PEAK1: variants seen among roughly 807,000 people sequenced by gnomAD.
PEAK1 encodes inactive tyrosine-protein kinase PEAK1.
Under a neutral mutation model 124.7 loss-of-function variants are expected in PEAK1, and 54 were observed. The ratio of observed to expected loss-of-function variants is 0.43; its 90% CI spans 0.35 to 0.54. The LOEUF (loss-of-function observed/expected upper bound fraction) is 0.54, where lower values mean the gene tolerates loss of function less well. PEAK1 is among the 20% of genes least tolerant of loss of function. PEAK1 has a pLI of 0.01. For missense variants in PEAK1, 2,046 were observed against 2,134.5 expected, an observed-to-expected ratio of 0.96 and a Z score of 0.82; for synonymous variants, 719 against 760.0, an observed-to-expected ratio of 0.95 and a Z score of 0.89.
intron 1 of PEAK1, among the ~76,000 whole-genome samples, chr15:77,383,181 G>A (rs547944319): frequency 5.6e-4 from 85 of 151,834 alleles, no homozygotes; most frequent in Non-Finnish European, 9.7e-4. Context: ...CCGCCACCAC[G>A]TCCAGGTTTA....
chr15:77,243,777 C>T (rs1195400844), intron 6 of PEAK1, among the ~76,000 whole-genome samples: 3 of 152,096 alleles, frequency 2.0e-5, no homozygotes, highest in Non-Finnish European at 2.9e-5. Context: ...CTAGACCAGC[C>T]TGACCAACAT....
chr15:77,209,937 T>C (rs889120336), intron 6 of PEAK1, among the ~76,000 whole-genome samples: 1 of 152,200 alleles, frequency 6.6e-6, no homozygotes, highest in Non-Finnish European at 1.5e-5. Flanking sequence ...TTTATGACAA[T>C]TTGTTACAGC....
At chr15:77,384,149 A>T (rs745970464) in intron 1 of PEAK1, among the ~76,000 whole-genome samples, 13 of 152,152 alleles carry the variant, frequency 8.5e-5, no homozygotes, top group Non-Finnish European at 1.9e-4. Context: ...TGAAGATCAG[A>T]GTAAAACAAA....
rs147884278 is a variant in PEAK1 at position 77,128,549 on chromosome 15, C to A, written c.4077+4456G>T. ...CAGAGCCATGGTGGTGATGGTGCCACCCCAGTGGGCTTGCAGGGGAGAGTA... is the reference window on the plus strand; with the variant it reads ...CAGAGCCATGGTGGTGATGGTGCCAACCCAGTGGGCTTGCAGGGGAGAGTA... On this transcript the variant is annotated intron_variant, in intron 9 of 9. Transcript: ENST00000682557. Among the ~76,000 whole-genome samples, 712 of 152,272 alleles carry A rather than the reference C, an allele frequency of 4.7e-3. 4 individuals carry two copies. Among genetic ancestry groups the A allele is most frequent in the African/African-American group, 0.016 (660 of 41,552 alleles).
intron 1 of PEAK1, chr15:77,418,075 G>A: frequency 2.0e-6 from 2 of 983,902 alleles, no homozygotes; most frequent in South Asian, 9.4e-5. Flanking sequence ...GGGCCTTCAG[G>A]GTAGACTCTT....
chr15:77,289,243 G>T (rs926891131), intron 2 of PEAK1, among the ~76,000 whole-genome samples: 4 of 152,098 alleles, frequency 2.6e-5, no homozygotes, highest in Non-Finnish European at 5.9e-5. Context: ...GTTTAAGAAG[G>T]TATCCCCACT....
intron 1 of PEAK1, among the ~76,000 whole-genome samples, chr15:77,387,904 G>C (rs867485343): frequency 6.6e-6 from 1 of 152,198 alleles, no homozygotes; most frequent in African/African-American, 2.4e-5. Flanking sequence ...CCAACTATGT[G>C]GATGGCAGCC....
chr15:77,275,553 T>C (rs2062269996), intron 5 of PEAK1, among the ~76,000 whole-genome samples: 1 of 151,746 alleles, frequency 6.6e-6, no homozygotes, highest in Non-Finnish European at 1.5e-5. Context: ...CCATCTCTAC[T>C]AAAAATACAA....
At chr15:77,193,055 T>A (rs2057921136) in intron 6 of PEAK1, among the ~76,000 whole-genome samples, 1 of 152,180 alleles carries the variant, frequency 6.6e-6, no homozygotes, top group African/African-American at 2.4e-5. Flanking sequence ...AAATTTACAA[T>A]CTATTCAAAA....
intron 1 of PEAK1, among the ~76,000 whole-genome samples, chr15:77,382,135 A>G (rs1012595319): frequency 4.0e-5 from 6 of 151,858 alleles, no homozygotes; most frequent in Non-Finnish European, 8.8e-5. Flanking sequence ...ATCTATCTCT[A>G]TCTCTATCTT....
At chr15:77,115,649 G>A (rs1327742955) in intron 9 of PEAK1, among the ~76,000 whole-genome samples, 1 of 152,162 alleles carries the variant, frequency 6.6e-6, no homozygotes, top group Non-Finnish European at 1.5e-5. Context: ...GCCAAAGCCT[G>A]CTCTTTCCAC....
chr15:77,269,976 C>T (rs900497360), intron 5 of PEAK1, among the ~76,000 whole-genome samples: 1 of 152,074 alleles, frequency 6.6e-6, no homozygotes, highest in South Asian at 2.1e-4. Flanking sequence ...TGTAGTTGAG[C>T]GGTTTTGAGT....
At chr15:77,409,138 G>C (rs1216645688) in intron 1 of PEAK1, among the ~76,000 whole-genome samples, 1 of 152,002 alleles carries the variant, frequency 6.6e-6, no homozygotes, top group Non-Finnish European at 1.5e-5. Flanking sequence ...TAACAAAACT[G>C]AATCTACTTT....
intron 2 of PEAK1, chr15:77,355,665 G>T: frequency 1.4e-6 from 1 of 722,742 alleles, no homozygotes; most frequent in Non-Finnish European, 1.7e-6. Flanking sequence ...CTACAGACCT[G>T]GCATGGAAGA....
chr15:77,205,791 G>T (rs922784322), intron 6 of PEAK1, among the ~76,000 whole-genome samples: 5 of 151,806 alleles, frequency 3.3e-5, no homozygotes. Flanking sequence ...ATTTTAAGCT[G>T]GGAAGTCACT....
At chr15:77,134,790 A>C (rs1298620234) in intron 8 of PEAK1, among the ~76,000 whole-genome samples, 1 of 152,202 alleles carries the variant, frequency 6.6e-6, no homozygotes, top group Non-Finnish European at 1.5e-5. Flanking sequence ...TATATCCCCC[A>C]AAAAGGTATG....
chr15:77,221,319 G>A (rs1411197566), intron 6 of PEAK1, among the ~76,000 whole-genome samples: 1 of 152,072 alleles, frequency 6.6e-6, no homozygotes, highest in African/African-American at 2.4e-5. Context: ...CAACACTAAA[G>A]TAAGACTATG....
At chr15:77,165,917 C>T (rs748393506) in intron 7 of PEAK1, among the ~76,000 whole-genome samples, 1 of 152,122 alleles carries the variant, frequency 6.6e-6, no homozygotes, top group Admixed American at 6.5e-5. Context: ...CCATGCAACT[C>T]TAACGTAAAT....
At chr15:77,262,429 T>C (rs570098250) in intron 5 of PEAK1, among the ~76,000 whole-genome samples, 1 of 130,562 alleles carries the variant, frequency 7.7e-6, no homozygotes, top group African/African-American at 2.8e-5. Context: ...ACTAAGCAAA[T>C]GGAAAACAAA....
Sources: allele counts gnomAD v4.1 joint callset (sites outside exome capture counted in the v4.1 genomes callset), GRCh38; gene constraint gnomAD v4.1.1; transcripts MANE v1.5; gene names NCBI Gene and HGNC (gene_info 2026-07-23, HGNC 2026-07-21).